The following FRMPD4 variants were observed in gnomAD, a reference collection of about 807,000 sequenced individuals.
FRMPD4 encodes FERM and PDZ domain-containing protein 4.
FRMPD4 carries 22 observed loss-of-function variants against 94.1 expected under a neutral mutation model. The ratio of observed to expected loss-of-function variants is 0.23; its 90% CI spans 0.17 to 0.33. The LOEUF is 0.33. Among genes scored for constraint, FRMPD4 ranks in the 10% least tolerant of loss-of-function variants. The pLI, the probability that FRMPD4 is intolerant of heterozygous loss-of-function variation, is 1.00. For synonymous variants in FRMPD4, 631 were observed against 548.6 expected (o/e 1.15, Z -2.10); for missense variants, 1,111 against 1,339.9 (o/e 0.83, Z 2.67).
intron 1 of FRMPD4, among the ~76,000 whole-genome samples, chrX:12,233,977 ATTAT>A (rs111441692): frequency 5.8e-5 from 6 of 103,193 alleles, no homozygotes; most frequent in African/African-American, 1.1e-4. Flanking sequence ...GAATGAATGA[ATTAT>A]TTATTTATTT....
intron 2 of FRMPD4, among the ~76,000 whole-genome samples, chrX:12,569,389 T>C (rs192645212): frequency 9.8e-5 from 11 of 112,020 alleles, no homozygotes; most frequent in African/African-American, 3.6e-4. Context: ...AAGCTGAAAG[T>C]CAGGAAACCC....
intron 1 of FRMPD4, among the ~76,000 whole-genome samples, chrX:12,145,829 C>T (rs2055756543): frequency 9.0e-6 from 1 of 111,699 alleles, no homozygotes; most frequent in Non-Finnish European, 1.9e-5. Context: ...TCTTTACTAG[C>T]AGGGGGAAGG....
At chrX:12,095,756 T>C (rs1463851284) in intron 3 of FRMPD4, among the ~76,000 whole-genome samples, 2 of 112,319 alleles carry the variant, frequency 1.8e-5, no homozygotes, top group East Asian at 5.6e-4. Context: ...CCCCTATGGG[T>C]CCTGATTTCT....
intron 2 of FRMPD4, among the ~76,000 whole-genome samples, chrX:12,576,934 C>A (rs2058817540): frequency 8.9e-6 from 1 of 111,914 alleles, no homozygotes; most frequent in Admixed American, 9.4e-5. Flanking sequence ...GGTCAGAGGT[C>A]TTTGAGGGAC....
At chrX:12,239,758 G>A (rs1195404643) in intron 1 of FRMPD4, among the ~76,000 whole-genome samples, 4 of 112,083 alleles carry the variant, frequency 3.6e-5, no homozygotes, top group African/African-American at 1.3e-4. Context: ...GTGCCAGCAT[G>A]GTTGGATTCT....
At chrX:12,028,501 T>G (rs144064560) in intron 3 of FRMPD4, among the ~76,000 whole-genome samples, 1,244 of 110,664 alleles carry the variant, frequency 0.011, 4 homozygotes, top group Non-Finnish European at 0.015. Flanking sequence ...ACCCAAAGCC[T>G]ATGTTTTATA....
rs1379060116 is a variant in FRMPD4, at chrX:12,476,020, A to G, written c.42-22660A>G. On this transcript the variant is annotated intron_variant, in intron 1 of 16. Transcript: ENST00000675598. Reference sequence around the variant, plus strand: ...CGCATTGCCAAGTCAATCCTAAGCCAAAAGAACAAAGCTGGAGGCATCACA... The same window carrying G: ...CGCATTGCCAAGTCAATCCTAAGCCGAAAGAACAAAGCTGGAGGCATCACA... 5.4e-5 allele frequency among the ~76,000 whole-genome samples: 6 copies of G among 112,066 alleles called. No individual in the cohort carries two copies. The South Asian group carries it at 1.1e-3, about 21-fold the overall frequency.
chrX:12,590,163 T>G (rs890979677), intron 2 of FRMPD4, among the ~76,000 whole-genome samples: 1 of 112,239 alleles, frequency 8.9e-6, no homozygotes, highest in African/African-American at 3.2e-5. Flanking sequence ...GACACCTTCT[T>G]TTTTAAAATT....
chrX:12,614,574 G>A (rs1449555370), intron 3 of FRMPD4, among the ~76,000 whole-genome samples: 1 of 111,897 alleles, frequency 8.9e-6, no homozygotes, highest in African/African-American at 3.2e-5. Context: ...AAATGTGGAT[G>A]CCTGGGTCCC....
intron 1 of FRMPD4, among the ~76,000 whole-genome samples, chrX:12,455,839 G>A (rs1269571071): frequency 2.7e-5 from 3 of 111,951 alleles, no homozygotes; most frequent in Non-Finnish European, 3.8e-5. Context: ...ACTTACACAT[G>A]CCTAAGTTTC....
chrX:11,966,064 A>G (rs2054307924), intron 3 of FRMPD4, among the ~76,000 whole-genome samples: 1 of 112,369 alleles, frequency 8.9e-6, no homozygotes, highest in African/African-American at 3.2e-5. Flanking sequence ...GGCTTAAAAT[A>G]GAGTGAAAAT....
intron 3 of FRMPD4, among the ~76,000 whole-genome samples, chrX:12,047,626 C>A (rs1203308691): frequency 1.8e-5 from 2 of 111,491 alleles, no homozygotes; most frequent in Non-Finnish European, 3.8e-5. Context: ...ATAGTACCAA[C>A]AGTTTTTCAA....
At chrX:12,462,770 C>T (rs1268458937) in intron 1 of FRMPD4, among the ~76,000 whole-genome samples, 1 of 112,193 alleles carries the variant, frequency 8.9e-6, no homozygotes, top group African/African-American at 3.2e-5. Context: ...GGGACGATCA[C>T]TTGAGCCCAG....
chrX:12,465,110 A>AT (rs1347082218), intron 1 of FRMPD4, among the ~76,000 whole-genome samples: 5 of 110,754 alleles, frequency 4.5e-5, no homozygotes, highest in African/African-American at 6.6e-5. Context: ...TATGGACAGC[A>AT]TTTTTTTTCA....
chrX:12,563,587 G>A (rs188721815), intron 2 of FRMPD4, among the ~76,000 whole-genome samples: 1 of 111,959 alleles, frequency 8.9e-6, no homozygotes, highest in East Asian at 2.8e-4. Context: ...CAGTCTTTAG[G>A]GTTGCTATTC....
At chrX:12,519,334 G>T (rs763895331) in intron 2 of FRMPD4, among the ~76,000 whole-genome samples, 1 of 112,173 alleles carries the variant, frequency 8.9e-6, no homozygotes, top group South Asian at 3.7e-4. Context: ...GTGTGATAGT[G>T]GTATAAAGAC....
At chrX:12,665,127 T>A (rs974470016) in intron 4 of FRMPD4, among the ~76,000 whole-genome samples, 3 of 111,067 alleles carry the variant, frequency 2.7e-5, no homozygotes, top group African/African-American at 9.8e-5. Flanking sequence ...GCAGTCTGTC[T>A]ATTTTGTTAA....
At position 12,032,995 on chromosome X, in the gene FRMPD4, G is replaced by A. The variant is rs1057432574; in HGVS notation, c.95+154977G>A. 4.5e-5 allele frequency among the ~76,000 whole-genome samples: 5 copies of A among 111,833 alleles called. No homozygotes were observed. The Admixed American group carries it at 4.7e-4, about 11-fold the overall frequency. On this transcript the variant is annotated intron_variant, in intron 3 of 18. Transcript: ENST00000640291. ...TGAAATTGGGAAAGAGATATTACCA[G>A]AAATACACAAAAATTACTAGTCAAA...
chrX:12,021,405 A>G (rs953460521), intron 3 of FRMPD4, among the ~76,000 whole-genome samples: 2 of 111,834 alleles, frequency 1.8e-5, no homozygotes, highest in African/African-American at 6.5e-5. Context: ...TGGCTGACAA[A>G]TCGAATTGAT....
Sources: allele counts gnomAD v4.1 joint callset (sites outside exome capture counted in the v4.1 genomes callset), GRCh38; gene constraint gnomAD v4.1.1; transcripts MANE v1.5; gene names NCBI Gene and HGNC (gene_info 2026-07-23, HGNC 2026-07-21).